Variants in CMTM8 observed in about 807,000 individuals in gnomAD.
The protein encoded by CMTM8 is CKLF-like MARVEL transmembrane domain-containing protein 8.
Under a neutral mutation model 18.6 loss-of-function variants are expected in CMTM8, and 12 were observed. The observed-to-expected ratio is 0.65, with a 90% CI of 0.41 to 1.05. The LOEUF (loss-of-function observed/expected upper bound fraction) is 1.05, where lower values mean the gene tolerates loss of function less well. CMTM8 is among the 50% of genes least tolerant of loss of function. The pLI is 0.00. For missense variants in CMTM8, 217 were observed against 227.2 expected (o/e 0.95, Z 0.29); for synonymous variants, 87 against 90.6 (o/e 0.96, Z 0.23).
chr3:32,248,031 T>C (rs1015575032), intron 1 of CMTM8, among the ~76,000 whole-genome samples: 14 of 152,256 alleles, frequency 9.2e-5, no homozygotes, highest in Admixed American at 6.5e-5. Context: ...ATCCCTGTTG[T>C]AGTATGTATC....
chr3:32,280,983 C>A (rs1559368835), intron 1 of CMTM8, among the ~76,000 whole-genome samples: 4 of 151,586 alleles, frequency 2.6e-5, no homozygotes, highest in African/African-American at 9.7e-5. Context: ...AAGTGGGATT[C>A]ACACCAGATC....
At chr3:32,267,206 C>A (rs1702362636) in intron 1 of CMTM8, among the ~76,000 whole-genome samples, 2 of 152,184 alleles carry the variant, frequency 1.3e-5, no homozygotes, top group South Asian at 4.1e-4. Context: ...AGCTATCCTA[C>A]AAGGCTACAG....
chr3:32,336,353 C>A (rs1696386781), intron 1 of CMTM8, among the ~76,000 whole-genome samples: 1 of 152,230 alleles, frequency 6.6e-6, no homozygotes, highest in South Asian at 2.1e-4. Flanking sequence ...AAGGCTTGTA[C>A]ATGTAAGATT....
intron 1 of CMTM8, among the ~76,000 whole-genome samples, chr3:32,263,210 G>A (rs1702281726): frequency 1.3e-5 from 2 of 152,186 alleles, no homozygotes; most frequent in African/African-American, 4.8e-5. Context: ...CCCAGTAGGG[G>A]CAGACTGACA....
chr3:32,325,516 G>C (rs549012057), intron 1 of CMTM8, among the ~76,000 whole-genome samples: 40 of 152,204 alleles, frequency 2.6e-4, no homozygotes, highest in Non-Finnish European at 4.6e-4. Context: ...GTTTCTGTAA[G>C]CCTGGACTTT....
chr3:32,369,749 T>C, intron 3 of CMTM8, 135 bp from the exon 4 acceptor site: 1 of 501,814 alleles, frequency 2.0e-6, no homozygotes, highest in South Asian at 3.2e-5. Context: ...ATTGAACCAA[T>C]AAAGTAGTTT....
At position 32,317,532 on chromosome 3, in the gene CMTM8, G is replaced by A. The variant is rs935936099; in HGVS notation, c.148-39841G>A. On this transcript the variant is annotated intron_variant, in intron 1 of 3. Coordinates refer to ENST00000307526, the MANE Select transcript of CMTM8 (RefSeq NM_178868.5). ...ATTGGCCTAAACTTTATGAAAGTCA[G>A]TTTAACAATAGCCATCACAATAATG... Among the ~76,000 whole-genome samples the A allele has an allele frequency of 2.6e-5, 4 of 152,192 alleles. No individual in the cohort carries two copies. The East Asian group carries it at 7.7e-4, about 29-fold the overall frequency.
At chr3:32,331,634 C>T (rs1696276599) in intron 1 of CMTM8, among the ~76,000 whole-genome samples, 1 of 151,466 alleles carries the variant, frequency 6.6e-6, no homozygotes, top group Non-Finnish European at 1.5e-5. Flanking sequence ...TAGAAGCAAC[C>T]TGAATGCACA....
In CMTM8 at chr3:32,288,787, ACTATAT is replaced by A. The variant is rs566937332; in HGVS notation, c.147+49671_147+49676del. Among the ~76,000 whole-genome samples the A allele has an allele frequency of 2.0e-4, 30 of 152,350 alleles. No individual in the cohort carries two copies. In the East Asian group the frequency reaches 5.6e-3, roughly 28 times the overall value. ...AGTGCTGGGATTACAGGCGTGAGCC[ACTATAT>A]CTGGCCGCAGCTGTCATTTCTAAAG... On this transcript the variant is annotated intron_variant, in intron 1 of 3. Coordinates refer to ENST00000307526, the MANE Select transcript of CMTM8 (RefSeq NM_178868.5).
At chr3:32,345,710 CAG>C (rs1029584259) in intron 1 of CMTM8, among the ~76,000 whole-genome samples, 3 of 152,114 alleles carry the variant, frequency 2.0e-5, no homozygotes, top group African/African-American at 4.8e-5. Context: ...AATGATAAAA[CAG>C]AATAAAATAA....
intron 1 of CMTM8, among the ~76,000 whole-genome samples, chr3:32,298,215 G>A (rs901551910): frequency 1.5e-4 from 23 of 151,790 alleles, no homozygotes; most frequent in Non-Finnish European, 3.2e-4. Context: ...TGGGACTACA[G>A]GCTCCCACCA....
intron 1 of CMTM8, among the ~76,000 whole-genome samples, chr3:32,316,712 G>C (rs1432049011): frequency 6.6e-6 from 1 of 152,092 alleles, no homozygotes; most frequent in Non-Finnish European, 1.5e-5. Context: ...TGAAACTCCA[G>C]ATTTATTCAG....
At chr3:32,304,819 A>C (rs1339726244) in intron 1 of CMTM8, among the ~76,000 whole-genome samples, 1 of 152,236 alleles carries the variant, frequency 6.6e-6, no homozygotes, top group Non-Finnish European at 1.5e-5. Context: ...CTGCAGTATA[A>C]CAGAAATCAG....
Position 32,357,546 on chromosome 3 carries a change from G to A in CMTM8, c.321G>A (p.Val107=). The A allele has an allele frequency of 6.2e-7, 1 of 1,613,910 alleles. No individual in the cohort carries two copies. The highest frequency in any genetic ancestry group is 1.1e-5 in the South Asian group (1 of 91,052). The stretch of plus-strand genomic sequence containing the variant: ...TTCCCCAGGTGCCCTGGACAACAGT[G>A]GTAAGGAAGCTGTGGGTGGTGGTCT... The part of the protein sequence containing the change: ...TRIPQVPWTT[V]GLCFNGSAFV... Residue 107 remains valine (V), a splice_region_variant and synonymous_variant, in exon 2 of 4, where the codon GTG becomes GTA. Coordinates refer to ENST00000307526, the MANE Select transcript of CMTM8 (RefSeq NM_178868.5).
intron 1 of CMTM8, among the ~76,000 whole-genome samples, chr3:32,318,769 A>G (rs965607123): frequency 6.6e-6 from 1 of 150,744 alleles, no homozygotes; most frequent in African/African-American, 2.4e-5. Flanking sequence ...GGGTTTCACC[A>G]TGTTAGCCAG....
chr3:32,314,590 A>C (rs901017761), intron 1 of CMTM8, among the ~76,000 whole-genome samples: 1 of 151,558 alleles, frequency 6.6e-6, no homozygotes, highest in Non-Finnish European at 1.5e-5. Flanking sequence ...ATCAATTCTC[A>C]TGCCTCAGCC....
At chr3:32,245,146 A>G (rs1328463580) in intron 1 of CMTM8, among the ~76,000 whole-genome samples, 1 of 152,180 alleles carries the variant, frequency 6.6e-6, no homozygotes, top group Non-Finnish European at 1.5e-5. Context: ...GTCTGTTTCA[A>G]ACCTTTGCAA....
chr3:32,304,402 A>G (rs1396414355), intron 1 of CMTM8, among the ~76,000 whole-genome samples: 1 of 152,142 alleles, frequency 6.6e-6, no homozygotes, highest in Non-Finnish European at 1.5e-5. Context: ...GTTGTTGGAG[A>G]TGGCATGGGG....
At chr3:32,277,850 TA>T (rs1470984617) in intron 1 of CMTM8, among the ~76,000 whole-genome samples, 1 of 152,228 alleles carries the variant, frequency 6.6e-6, no homozygotes, top group Non-Finnish European at 1.5e-5. Context: ...CTCATGGCAG[TA>T]ATCCTTTGGA....
Sources: gnomAD v4.1 joint callset for allele counts (sites outside exome capture counted in the v4.1 genomes callset) on GRCh38, gnomAD v4.1.1 for gene constraint, MANE v1.5 for transcripts, NCBI Gene and HGNC (gene_info 2026-07-23, HGNC 2026-07-21) for gene names.